Variants in ZNF302 observed in about 807,000 individuals in gnomAD.
ZNF302 encodes the protein zinc finger protein 327.
A neutral mutation model predicts 10.8 loss-of-function variants in ZNF302; 12 were observed. The ratio of observed to expected loss-of-function variants is 1.11; its 90% CI spans 0.71 to 1.79. The LOEUF (loss-of-function observed/expected upper bound fraction) is 1.79. Among genes scored for constraint, ZNF302 ranks in the 40% most tolerant of loss-of-function variants. The pLI, the probability that ZNF302 is intolerant of heterozygous loss-of-function variation, is 0.00. For missense variants in ZNF302, 461 were observed against 471.1 expected (o/e 0.98, Z 0.20); for synonymous variants, 178 against 157.5 (o/e 1.13, Z -0.98).
At chr19:34,678,936 TTCAC>T (rs755282017) in intron 2 of ZNF302, 123 bp downstream of exon 2, 7 of 1,172,092 alleles carry the variant, frequency 6.0e-6, no homozygotes, top group Non-Finnish European at 8.8e-6. Flanking sequence ...TATGGTTCCT[TTCAC>T]TATAGGAAGA....
chr19:34,683,363 A>G (rs949516717), intron 4 of ZNF302, 125 bp downstream of exon 4: 3 of 1,102,572 alleles, frequency 2.7e-6, no homozygotes, highest in Admixed American at 2.3e-5. Flanking sequence ...TGAAAAATTG[A>G]GGGATATTTA....
At chr19:34,678,632 C>A in intron 1 of ZNF302, 105 bp from the exon 2 acceptor site, 1 of 628,454 alleles carries the variant, frequency 1.6e-6, no homozygotes. Context: ...ATTGACGCTC[C>A]GGCGAGTGAT....
chr19:34,678,731 C>T lies in ZNF302; in HGVS notation c.-68-6C>T. 1.3e-6 allele frequency: 2 copies of T among 1,580,912 alleles called. No homozygotes were observed. Among genetic ancestry groups the T allele is most frequent in the Admixed American group, 1.7e-5 (1 of 59,696 alleles). On this transcript the variant is annotated splice_polypyrimidine_tract_variant and splice_region_variant and intron_variant, in intron 1 of 4. Transcript: ENST00000505242. Reference sequence around the variant, plus strand: ...ACTGCTTTTTCCTGCCTTTCTGTGCCCTCAGGACACTGCCCATCTCTAAGA... The same window carrying T: ...ACTGCTTTTTCCTGCCTTTCTGTGCTCTCAGGACACTGCCCATCTCTAAGA...
Position 34,684,133 on chromosome 19 carries a change from A to G in ZNF302, c.215-119A>G. 4 of 1,313,538 alleles carry G rather than the reference A, an allele frequency of 3.0e-6. No homozygotes were observed. In the African/African-American group the frequency reaches 5.3e-5, roughly 17 times the overall value. The allele number at this position is 1,313,538 out of a possible 1,614,324, so 81.4% of individuals were successfully genotyped here. A position where few individuals can be genotyped will look rare whatever the true frequency, so the allele number is the denominator to read the frequency against. ...TTCTGGGTGCTTCATTTCTTATCCA[A>G]TTCTCCTAATTCCACTGTAGAAGCT... On this transcript the variant is annotated intron_variant, in intron 4 of 4. Transcript: ENST00000505242.
At chr19:34,678,896 C>A in intron 2 of ZNF302, 83 bp downstream of exon 2, 2 of 1,540,808 alleles carry the variant, frequency 1.3e-6, no homozygotes, top group Non-Finnish European at 1.8e-6. Flanking sequence ...CCTGTTCCCA[C>A]CTAATCAAGT....
Position 34,684,394 on chromosome 19 carries a change from A to C in ZNF302, c.357A>C (p.Thr119=). 1.9e-6 allele frequency: 3 copies of C among 1,610,430 alleles called. No individual in the cohort carries two copies. The highest frequency in any genetic ancestry group is 2.5e-6 in the Non-Finnish European group (3 of 1,178,740). The change falls in exon 5 of 5, where the codon ACA becomes ACC. Residue 119 remains threonine, a synonymous_variant. Coordinates refer to ENST00000505242, the MANE Select transcript of ZNF302 (RefSeq NM_001289187.2). ...FSNSNKNLEY[T]ECDTFRSTFH... Reference sequence around the variant, plus strand: ...ATTCTAATAAGAATTTGGAATATACAGAATGCGACACATTTAGAAGCACCT... The same window carrying C: ...ATTCTAATAAGAATTTGGAATATACCGAATGCGACACATTTAGAAGCACCT...
Position 34,685,629 on chromosome 19 carries a change from G to A in ZNF302, c.*392G>A. On this transcript the variant is annotated 3_prime_UTR_variant, in exon 5 of 5. Coordinates refer to ENST00000505242, the MANE Select transcript of ZNF302 (RefSeq NM_001289187.2). ...CCCTATACATGTGAGAAATCTTACA[G>A]AAGAGAAGCAGTGTTTATCACGGTA... The A allele has an allele frequency of 9.9e-7, 1 of 1,005,256 alleles. No homozygotes were observed. The highest frequency in any genetic ancestry group is 2.0e-5 in the Admixed American group (1 of 49,646). 62.3% of individuals were successfully genotyped at this position (1,005,256 alleles called of 1,614,324 possible).
At chr19:34,684,089 G>A (rs746164665) in intron 4 of ZNF302, 163 bp from the exon 5 acceptor site, 14 of 1,507,926 alleles carry the variant, frequency 9.3e-6, no homozygotes, top group Middle Eastern at 3.5e-4. Context: ...AAATATTTGA[G>A]TTGTCAGAAC....
chr19:34,684,248 T>G lies in ZNF302; in HGVS notation c.215-4T>G. Reference sequence around the variant, plus strand: ...CAGTGCTTTGCTTTCTTGATATATTTCAGATTGGGAATCAAGATGGGAAAA... The same window carrying G: ...CAGTGCTTTGCTTTCTTGATATATTGCAGATTGGGAATCAAGATGGGAAAA... On this transcript the variant is annotated splice_polypyrimidine_tract_variant and splice_region_variant and intron_variant, in intron 4 of 4. Transcript: ENST00000505242. 2 of 1,477,708 alleles carry G rather than the reference T, an allele frequency of 1.4e-6. No individual in the cohort carries two copies. The highest frequency in any genetic ancestry group is 1.8e-6 in the Non-Finnish European group (2 of 1,115,782). 91.5% of individuals were successfully genotyped at this position (1,477,708 alleles called of 1,614,324 possible).
chr19:34,682,261 A>G (rs767801225), intron 2 of ZNF302: 1 of 154,828 alleles, frequency 6.5e-6, no homozygotes. Flanking sequence ...AGTTCAATAC[A>G]TGCTTTTTTG....
chr19:34,680,584 A>AT (rs2068292122), intron 2 of ZNF302, among the ~76,000 whole-genome samples: 1 of 152,232 alleles, frequency 6.6e-6, no homozygotes, highest in Non-Finnish European at 1.5e-5. Flanking sequence ...GGAAATTTAA[A>AT]TAAGTGCTAG....
intron 2 of ZNF302, chr19:34,681,281 G>A (rs2068330641): frequency 6.6e-6 from 1 of 152,134 alleles, no homozygotes; most frequent in African/African-American, 2.4e-5. Context: ...TAGCCAATAA[G>A]CTATTATTGA....
At chr19:34,677,163 A>G (rs965022520), upstream of ZNF302, 25 of 2,498 alleles carry the variant, frequency 0.01, no homozygotes, top group African/African-American at 0.034. Flanking sequence ...TGAGTGCCAA[A>G]AAAAAAAAAA....
chr19:34,681,952 T>C (rs577046620), intron 2 of ZNF302: 2 of 152,364 alleles, frequency 1.3e-5, no homozygotes, highest in East Asian at 1.9e-4. Context: ...TTTGTGCTGC[T>C]GTAACAAATA....
At chr19:34,683,785 A>C (rs1426944702) in intron 4 of ZNF302, among the ~76,000 whole-genome samples, 5 of 152,140 alleles carry the variant, frequency 3.3e-5, no homozygotes, top group African/African-American at 1.2e-4. Context: ...GTTGTTTAAT[A>C]TAGTAGTATC....
At chr19:34,676,048 T>G (rs2067930769), upstream of ZNF302, 1 of 152,232 alleles carries the variant, frequency 6.6e-6, no homozygotes, top group Non-Finnish European at 1.5e-5. Context: ...CGCTGGTTGT[T>G]CGGGTGGCCC....
At chr19:34,676,407 AG>A (rs1300442063), upstream of ZNF302, 2 of 152,248 alleles carry the variant, frequency 1.3e-5, no homozygotes, top group Admixed American at 1.3e-4. Context: ...TGGTTCAAAA[AG>A]CTGGGAAGCC....
upstream of ZNF302, chr19:34,676,752 CTA>C (rs2067966669): frequency 6.6e-6 from 1 of 152,168 alleles, no homozygotes; most frequent in Admixed American, 6.5e-5. Flanking sequence ...TATAGCGACA[CTA>C]TTTATAATTT....
Position 34,682,861 on chromosome 19 carries a change from G to T in ZNF302, c.94G>T (p.Val32Leu). The T allele has an allele frequency of 6.2e-7, 1 of 1,613,880 alleles. No homozygotes were observed. Among genetic ancestry groups the T allele is most frequent in the Non-Finnish European group, 8.5e-7 (1 of 1,179,772 alleles). Residue 32 changes from valine (V) to leucine (L), a missense_variant, in exon 3 of 5, where the codon GTG becomes TTG. Coordinates refer to ENST00000505242, the MANE Select transcript of ZNF302 (RefSeq NM_001289187.2). Reference protein sequence around the residue: ...DSAQRDLYKDVMVQNYENLVS... With the variant: ...DSAQRDLYKDLMVQNYENLVS... ...TGCTCAGAGGGACTTATACAAGGAT[G>T]TGATGGTCCAGAATTATGAGAACCT...
Sources: gnomAD v4.1 joint callset for allele counts (sites outside exome capture counted in the v4.1 genomes callset) on GRCh38, gnomAD v4.1.1 for gene constraint, MANE v1.5 for transcripts, NCBI Gene and HGNC (gene_info 2026-07-23, HGNC 2026-07-21) for gene names.